Variants in CDC14B observed in about 807,000 individuals in gnomAD.
CDC14B encodes the protein dual specificity protein phosphatase CDC14B.
Under a neutral mutation model 64.2 loss-of-function variants are expected in CDC14B, and 22 were observed. The observed-to-expected ratio is 0.34, with a 90% CI of 0.24 to 0.49. The LOEUF is 0.49. Among genes scored for constraint, CDC14B ranks in the 20% least tolerant of loss-of-function variants. The pLI, the probability that CDC14B is intolerant of heterozygous loss-of-function variation, is 0.99. For synonymous variants in CDC14B, 191 were observed against 215.8 expected, an observed-to-expected ratio of 0.89 and a Z score of 1.01; for missense variants, 498 against 629.9, an observed-to-expected ratio of 0.79 and a Z score of 2.24.
At chr9:96,550,274 G>T (rs1031526348) in intron 5 of CDC14B, among the ~76,000 whole-genome samples, 12 of 152,206 alleles carry the variant, frequency 7.9e-5, no homozygotes, top group Admixed American at 6.5e-4. Flanking sequence ...AGCAGAAAGG[G>T]ATGATACTGG....
chr9:96,498,832 T>C (rs1833358281), downstream of CDC14B, among the ~76,000 whole-genome samples: 1 of 152,222 alleles, frequency 6.6e-6, no homozygotes, highest in African/African-American at 2.4e-5. Flanking sequence ...GCAGAGGGGA[T>C]GAGCAAATCC....
At chr9:96,521,997 A>G (rs1412565167) in intron 12 of CDC14B, among the ~76,000 whole-genome samples, 1 of 152,206 alleles carries the variant, frequency 6.6e-6, no homozygotes, top group African/African-American at 2.4e-5. Flanking sequence ...AACATTTCCT[A>G]TTCTCAGGCT....
intron 4 of CDC14B, among the ~76,000 whole-genome samples, chr9:96,554,769 G>A (rs1465569735): frequency 6.6e-6 from 1 of 152,008 alleles, no homozygotes; most frequent in Non-Finnish European, 1.5e-5. Flanking sequence ...GGCCAGGCAT[G>A]AAGGAAGTAA....
chr9:96,528,527 AAAGAAAAAAAAAGAAG>A (rs1252539302), intron 9 of CDC14B, among the ~76,000 whole-genome samples: 1 of 150,280 alleles, frequency 6.7e-6, no homozygotes, highest in African/African-American at 2.5e-5. Flanking sequence ...ATCTCAAAAA[AAAGAAAAAAAAAGAAG>A]AAGAAGAAGA....
chr9:96,493,941 C>T (rs1355600314), intron 13 of CDC14B, among the ~76,000 whole-genome samples: 1 of 152,234 alleles, frequency 6.6e-6, no homozygotes, highest in Non-Finnish European at 1.5e-5. Context: ...CCTCCAGGCG[C>T]TCCCCTCCAC....
intron 9 of CDC14B, among the ~76,000 whole-genome samples, chr9:96,526,331 T>C (rs1279886981): frequency 4.6e-5 from 7 of 152,052 alleles, no homozygotes; most frequent in Admixed American, 4.6e-4. Context: ...TCGCGCCACT[T>C]TACTCCAGCC....
At chr9:96,542,005 G>A in intron 5 of CDC14B, 113 bp from the exon 6 acceptor site, 2 of 593,636 alleles carry the variant, frequency 3.4e-6, no homozygotes, top group East Asian at 3.0e-5. Flanking sequence ...CCATTATCAA[G>A]AAGAAAAAAA....
intron 1 of CDC14B, among the ~76,000 whole-genome samples, chr9:96,575,843 C>A (rs2118158649): frequency 6.6e-6 from 1 of 152,130 alleles, no homozygotes; most frequent in South Asian, 2.1e-4. Context: ...CAAAAAACCC[C>A]AAAAAGTCCT....
At chr9:96,547,879 G>A (rs1004587680) in intron 5 of CDC14B, among the ~76,000 whole-genome samples, 58 of 151,904 alleles carry the variant, frequency 3.8e-4, no homozygotes, top group Non-Finnish European at 8.8e-5. Context: ...AGGCTGGAGT[G>A]CAGTGGCACC....
At position 96,534,099 on chromosome 9, in the gene CDC14B, A is replaced by G. The variant is rs1838926038; in HGVS notation, c.774T>C (p.Thr258=). ...YIQYFKNHNV[T]TIIRLNKRMY... ...TCCTTTTATTCAGACGAATAATGGT[A>G]GTAACATTGTGATTCTTAAAATATT... The change falls in exon 9 of 14, where the codon ACT becomes ACC. Residue 258 remains threonine (T), a synonymous_variant. Coordinates refer to ENST00000375241, the MANE Select transcript of CDC14B (RefSeq NM_033331.4). 1.2e-6 allele frequency: 2 copies of G among 1,612,088 alleles called. No homozygotes were observed. The highest frequency in any genetic ancestry group is 1.7e-6 in the Non-Finnish European group (2 of 1,178,516).
intron 8 of CDC14B, 78 bp downstream of exon 8, chr9:96,534,377 G>T: frequency 9.6e-7 from 1 of 1,037,234 alleles, no homozygotes; most frequent in Non-Finnish European, 1.5e-6. Context: ...GGTCAAGCTT[G>T]GTGTAACTCT....
Position 96,565,433 on chromosome 9 carries a change from C to T in CDC14B, c.211G>A (p.Val71Ile), listed in dbSNP as rs767373843. Residue 71 changes from valine to isoleucine, a missense_variant, in exon 2 of 14, where the codon GTA becomes ATA. By Grantham distance (29) the Val-to-Ile change is conservative. Transcript: ENST00000375241. ...TCATTATCTATGCTGAAATAATGTA[C>T]ATTTGATGCACTCTTTGGTCTGCTG... is the stretch of plus-strand genomic sequence containing the variant. ...LYSRPKSASN[V>I]HYFSIDNELE... The T allele has an allele frequency of 1.9e-6, 3 of 1,611,102 alleles. No individual in the cohort carries two copies. The highest frequency in any genetic ancestry group is 1.3e-5 in the African/African-American group (1 of 74,828).
At chr9:96,536,265 C>T (rs1156424036) in intron 7 of CDC14B, among the ~76,000 whole-genome samples, 1 of 152,182 alleles carries the variant, frequency 6.6e-6, no homozygotes, top group African/African-American at 2.4e-5. Flanking sequence ...TACCCCCCAG[C>T]CCAGACCCTC....
chr9:96,597,409 G>A (rs1846154999), intron 1 of CDC14B, among the ~76,000 whole-genome samples: 1 of 151,636 alleles, frequency 6.6e-6, no homozygotes, highest in Admixed American at 6.6e-5. Flanking sequence ...CAGGAGAAAC[G>A]CTTGAACCCA....
intron 1 of CDC14B, among the ~76,000 whole-genome samples, chr9:96,616,198 T>C (rs145293647): frequency 1.3e-5 from 2 of 151,844 alleles, no homozygotes; most frequent in East Asian, 2.0e-4. Context: ...TGGTGGCGTA[T>C]GCCTGTAGTT....
chr9:96,572,884 A>C (rs970465302), intron 1 of CDC14B, among the ~76,000 whole-genome samples: 2 of 152,212 alleles, frequency 1.3e-5, no homozygotes, highest in South Asian at 4.1e-4. Flanking sequence ...AATTCCCACT[A>C]TCATTACCTC....
chr9:96,591,286 G>A (rs1262804213), intron 1 of CDC14B, among the ~76,000 whole-genome samples: 1 of 152,132 alleles, frequency 6.6e-6, no homozygotes, highest in African/African-American at 2.4e-5. Context: ...TGTATCTAGG[G>A]TAAGGTAAGA....
At chr9:96,517,643 C>CA (rs1016405679) in intron 12 of CDC14B, among the ~76,000 whole-genome samples, 6,883 of 34,404 alleles carry the variant, frequency 0.2, 760 homozygotes, top group East Asian at 0.29. Context: ...GACTCCGTCT[C>CA]AAAAAAAAAA....
chr9:96,572,079 G>A (rs769175725), intron 1 of CDC14B, among the ~76,000 whole-genome samples: 1 of 152,214 alleles, frequency 6.6e-6, no homozygotes, highest in Non-Finnish European at 1.5e-5. Context: ...ACAGGATGGT[G>A]AGTGAGAACT....
Sources: allele counts gnomAD v4.1 joint callset (sites outside exome capture counted in the v4.1 genomes callset), GRCh38; gene constraint gnomAD v4.1.1; transcripts MANE v1.5; gene names NCBI Gene and HGNC (gene_info 2026-07-23, HGNC 2026-07-21).